IL17RC: variants seen among roughly 807,000 people sequenced by gnomAD.
The protein encoded by IL17RC is interleukin 17 receptor C.
IL17RC carries 53 observed loss-of-function variants against 86.7 expected under a neutral mutation model. The observed-to-expected ratio is 0.61, with a 90% CI of 0.49 to 0.77. The LOEUF is 0.77. IL17RC is among the 30% of genes least tolerant of loss of function. The probability of loss-of-function intolerance (pLI) is 0.00; values close to 1 mark genes in which losing one functional copy is unlikely to be tolerated. For missense variants in IL17RC, 957 were observed against 940.0 expected, an observed-to-expected ratio of 1.02 and a Z score of -0.24; for synonymous variants, 439 against 413.1, an observed-to-expected ratio of 1.06 and a Z score of -0.76.
At chr3:9,924,182 T>C in intron 8 of IL17RC, 50 bp from the exon 9 acceptor site, 1 of 1,612,300 alleles carries the variant, frequency 6.2e-7, no homozygotes, top group Admixed American at 1.7e-5. Flanking sequence ...TTTGGCCTCC[T>C]CCTCTTCCTC....
chr3:9,930,067 A>G lies in IL17RC; in HGVS notation c.1196A>G (p.Glu399Gly). Reference sequence around the variant, plus strand: ...CTCAAAGACGATGTGCTACTGTTGGAGACACGAGGCCCCCAGGACAACAGA... The same window carrying G: ...CTCAAAGACGATGTGCTACTGTTGGGGACACGAGGCCCCCAGGACAACAGA... Reference protein sequence around the residue: ...GPLKDDVLLLETRGPQDNRSL... With the variant: ...GPLKDDVLLLGTRGPQDNRSL... The change falls in exon 14 of 19, where the codon GAG becomes GGG. Residue 399 changes from glutamate (E) to glycine (G), a missense_variant. Coordinates refer to ENST00000403601, the MANE Select transcript of IL17RC (RefSeq NM_153460.4). This position sits in a 1 kb window ranked among gnomAD's most constrained non-coding sequence, Gnocchi z 5.8. 1 of 1,614,068 alleles carries G rather than the reference A, an allele frequency of 6.2e-7. No homozygotes were observed. Among genetic ancestry groups the G allele is most frequent in the Non-Finnish European group, 8.5e-7 (1 of 1,180,002 alleles).
intron 4 of IL17RC, 29 bp from the exon 5 acceptor site, chr3:9,918,471 C>G (rs1224157991): frequency 6.2e-7 from 1 of 1,609,712 alleles, no homozygotes; most frequent in African/African-American, 1.3e-5. Flanking sequence ...GCTCCTGGGC[C>G]TGACTGACCC....
At chr3:9,931,502 T>TATATAC (rs1306971037) in intron 16 of IL17RC, among the ~76,000 whole-genome samples, 73 of 145,208 alleles carry the variant, frequency 5.0e-4, no homozygotes, top group African/African-American at 1.8e-3. Flanking sequence ...TATATATATA[T>TATATAC]ACTTATTTTT....
At chr3:9,918,905 C>T (rs1477168222) in intron 5 of IL17RC, 20 of 332,544 alleles carry the variant, frequency 6.0e-5, no homozygotes, top group South Asian at 5.2e-4. Context: ...TGCTTGACTG[C>T]GAGAAATCAC....
rs184177306 is a variant in IL17RC at position 9,928,173 on chromosome 3, C to T, written c.830C>T (p.Pro277Leu). 6.2e-7 allele frequency: 1 copy of T among 1,614,170 alleles called. No individual in the cohort carries two copies. The highest frequency in any genetic ancestry group is 1.3e-5 in the African/African-American group (1 of 75,056). ...LVPCLCIQVW[P>L]LEPDSVRTNI... ...CCCCCATTTCCTTTCCAGGTGTGGC[C>T]TCTGGAACCTGACTCCGTTAGGACG... Residue 277 changes from proline (P) to leucine (L), a missense_variant, in exon 10 of 19, where the codon CCT becomes CTT. By Grantham distance (98) the Pro-to-Leu change is moderately conservative. Transcript: ENST00000403601.
chr3:9,928,303 A>G lies in IL17RC; in HGVS notation c.878-2A>G. On this transcript the variant is annotated splice_acceptor_variant, in intron 10 of 18. Coordinates refer to ENST00000403601, the MANE Select transcript of IL17RC (RefSeq NM_153460.4). LOFTEE classifies it high-confidence loss of function. ...TGCGGTGACTGTGCCCTTTCCTTGC[A>G]GACCCCCGCGCACACCAGAACCTCT... The G allele has an allele frequency of 6.2e-7, 1 of 1,609,894 alleles. No homozygotes were observed. The highest frequency in any genetic ancestry group is 1.3e-5 in the African/African-American group (1 of 75,014).
chr3:9,923,765 T>C, intron 7 of IL17RC, 116 bp from the exon 8 acceptor site: 2 of 1,148,228 alleles, frequency 1.7e-6, no homozygotes, highest in Non-Finnish European at 2.5e-6. Context: ...TGACACACGC[T>C]CTGCCCTCCG....
chr3:9,929,130 T>C (rs62245480), intron 12 of IL17RC: 228 of 155,304 alleles, frequency 1.5e-3, no homozygotes, highest in South Asian at 3.0e-3. Context: ...CTGGCTAACA[T>C]GGTGAAACCC....
Position 9,920,915 on chromosome 3 carries a change from C to G in IL17RC, c.578-10C>G, listed in dbSNP as rs1302848846. ...GCCCCACTGGAGGCTCTTCTGTGATCTCTCCTCAGACTGCAGGGGGCTCGA... is the reference window on the plus strand; with the variant it reads ...GCCCCACTGGAGGCTCTTCTGTGATGTCTCCTCAGACTGCAGGGGGCTCGA... On this transcript the variant is annotated splice_polypyrimidine_tract_variant and intron_variant, in intron 6 of 18. Transcript: ENST00000403601. The G allele has an allele frequency of 1.9e-6, 3 of 1,608,872 alleles. No individual in the cohort carries two copies. In the Admixed American group the frequency reaches 5.1e-5, roughly 27 times the overall value.
Position 9,930,043 on chromosome 3 carries a change from T to C in IL17RC, c.1172T>C (p.Leu391Pro). 1 of 1,614,028 alleles carries C rather than the reference T, an allele frequency of 6.2e-7. No homozygotes were observed. Among genetic ancestry groups the C allele is most frequent in the East Asian group, 2.2e-5 (1 of 44,868 alleles). ...CCCCTTCCAGACTCCCTGGGGCCTC[T>C]CAAAGACGATGTGCTACTGTTGGAG... ...ECLWADSLGP[L>P]KDDVLLLETR... The change falls in exon 14 of 19, where the codon CTC (leucine) becomes CCC (proline). Residue 391 changes from leucine to proline, a missense_variant. Coordinates refer to ENST00000403601, the MANE Select transcript of IL17RC (RefSeq NM_153460.4). The surrounding 1 kb of genome is among the most constrained non-coding windows in gnomAD (Gnocchi z 5.8).
Position 9,932,825 on chromosome 3 carries a change from C to A in IL17RC, c.1489C>A (p.Leu497Met). ...CCGCCCCTCTCCCCTAACAGGGTGG[C>A]TGAGGCTCTTGAAACAGGACGTCCG... ...LLKKDHAKGW[L>M]RLLKQDVRSG... Residue 497 changes from leucine (L) to methionine (M), a missense_variant, in exon 18 of 19, where the codon CTG becomes ATG. Transcript: ENST00000403601. 1 of 1,562,988 alleles carries A rather than the reference C, an allele frequency of 6.4e-7. No homozygotes were observed. Among genetic ancestry groups the A allele is most frequent in the Admixed American group, 2.0e-5 (1 of 51,136 alleles).
At chr3:9,931,975 C>G (rs2084756121) in intron 16 of IL17RC, among the ~76,000 whole-genome samples, 1 of 151,776 alleles carries the variant, frequency 6.6e-6, no homozygotes. Flanking sequence ...AGAAAAACAG[C>G]TGACATTTTA....
At position 9,930,946 on chromosome 3, in the gene IL17RC, G is replaced by T; in HGVS notation, c.1387+3G>T. Reference sequence around the variant, plus strand: ...ATGGGCCTGCCCCATGGACAAATGTGAGTATTGTAAGAACTGCCTTTCCTT... The same window carrying T: ...ATGGGCCTGCCCCATGGACAAATGTTAGTATTGTAAGAACTGCCTTTCCTT... On this transcript the variant is annotated splice_donor_region_variant and intron_variant, in intron 16 of 18. Coordinates refer to ENST00000403601, the MANE Select transcript of IL17RC (RefSeq NM_153460.4). This position sits in a 1 kb window ranked among gnomAD's most constrained non-coding sequence, Gnocchi z 5.8. 1 of 1,613,158 alleles carries T rather than the reference G, an allele frequency of 6.2e-7. No homozygotes were observed. The highest frequency in any genetic ancestry group is 1.1e-5 in the South Asian group (1 of 91,062).
rs1269750624 is a variant in IL17RC at position 9,924,226 on chromosome 3, C to T, written c.763-6C>T. The T allele has an allele frequency of 1.9e-6, 3 of 1,613,972 alleles. No homozygotes were observed. The Admixed American group carries it at 5.0e-5, about 27-fold the overall frequency. On this transcript the variant is annotated splice_polypyrimidine_tract_variant and splice_region_variant and intron_variant, in intron 8 of 18. Coordinates refer to ENST00000403601, the MANE Select transcript of IL17RC (RefSeq NM_153460.4). ...CTCCAACCTCCTTCCTTTATTTGTT[C>T]CACAGACTGGACCGCAGATCATTAC...
At chr3:9,931,462 CACACACACATATATATATATAT>C (rs35053754) in intron 16 of IL17RC, among the ~76,000 whole-genome samples, 92,465 of 130,430 alleles carry the variant, frequency 0.71, 33,618 homozygotes, top group Non-Finnish European at 0.81. Context: ...TTCACACACA[CACACACACATATATATATATAT>C]ATATATATAT....
Position 9,917,191 on chromosome 3 carries a change from C to A in IL17RC, c.-125C>A. ...TACCCAGCACAGCCCCCTCCGCCCC[C>A]TCTGGAGGCTGAAGAGGGATTCCAG... On this transcript the variant is annotated 5_prime_UTR_variant, in exon 1 of 19. Coordinates refer to ENST00000403601, the MANE Select transcript of IL17RC (RefSeq NM_153460.4). 1.4e-6 allele frequency: 1 copy of A among 713,442 alleles called. No homozygotes were observed. Among genetic ancestry groups the A allele is most frequent in the Admixed American group, 2.9e-5 (1 of 34,384 alleles). The allele number at this position is 713,442 out of a possible 1,614,324, so 44.2% of individuals were successfully genotyped here. A position where few individuals can be genotyped will look rare whatever the true frequency, so the allele number is the denominator to read the frequency against.
chr3:9,923,937 G>A lies in IL17RC; in HGVS notation c.679G>A (p.Val227Ile). The A allele has an allele frequency of 2.5e-6, 4 of 1,614,198 alleles. No homozygotes were observed. The highest frequency in any genetic ancestry group is 1.7e-5 in the Admixed American group (1 of 60,028). The change falls in exon 8 of 19, where the codon GTC becomes ATC. Residue 227 changes from valine (V) to isoleucine (I), a missense_variant. Coordinates refer to ENST00000403601, the MANE Select transcript of IL17RC (RefSeq NM_153460.4). ...DGDNVHLVLN[V>I]SEEQHFGLSL... ...TGACAACGTGCATCTGGTTCTGAAT[G>A]TCTCTGAGGAGCAGCACTTCGGCCT...
chr3:9,928,067 T>A (rs1471575506), intron 9 of IL17RC, 99 bp from the exon 10 acceptor site: 1 of 1,152,984 alleles, frequency 8.7e-7, no homozygotes, highest in Non-Finnish European at 1.3e-6. Context: ...AGCAAGTGTT[T>A]GTGAAATACC....
At chr3:9,931,963 G>T (rs756839203) in intron 16 of IL17RC, among the ~76,000 whole-genome samples, 2 of 151,916 alleles carry the variant, frequency 1.3e-5, no homozygotes, top group Non-Finnish European at 2.9e-5. Context: ...CTAGCTTAGG[G>T]GAGAAAAACA....
Sources: gnomAD v4.1 joint callset for allele counts (sites outside exome capture counted in the v4.1 genomes callset) on GRCh38, gnomAD v4.1.1 for gene constraint, Gnocchi (gnomAD v3.1) non-coding constraint, MANE v1.5 for transcripts, NCBI Gene and HGNC (gene_info 2026-07-23, HGNC 2026-07-21) for gene names.